ADGRF5: variants seen among roughly 807,000 people sequenced by gnomAD.
ADGRF5 encodes G-protein coupled receptor 116.
A neutral mutation model predicts 132.3 loss-of-function variants in ADGRF5; 75 were observed. That is an observed-to-expected ratio of 0.57 (90% CI 0.47 to 0.69). The LOEUF (loss-of-function observed/expected upper bound fraction) is 0.69, where lower values mean the gene tolerates loss of function less well. Among genes scored for constraint, ADGRF5 ranks in the 30% least tolerant of loss-of-function variants. The pLI is 0.00. For synonymous variants in ADGRF5, 629 were observed against 597.6 expected, an observed-to-expected ratio of 1.05 and a Z score of -0.77; for missense variants, 1,516 against 1,630.6, an observed-to-expected ratio of 0.93 and a Z score of 1.21.
intron 1 of ADGRF5, among the ~76,000 whole-genome samples, chr6:46,910,714 C>CAAAA (rs1775864276): frequency 6.6e-6 from 1 of 152,020 alleles, no homozygotes; most frequent in Non-Finnish European, 1.5e-5. Context: ...ACCAAACAAA[C>CAAAA]AAACAAACAA....
chr6:46,924,381 C>T (rs999446659), upstream of ADGRF5, among the ~76,000 whole-genome samples: 8 of 152,186 alleles, frequency 5.3e-5, no homozygotes, highest in East Asian at 3.8e-4. Context: ...ATGCCCAGCT[C>T]GTATTACAGT....
chr6:46,923,443 G>T (rs148661877), upstream of ADGRF5, among the ~76,000 whole-genome samples: 9 of 152,290 alleles, frequency 5.9e-5, no homozygotes, highest in African/African-American at 2.2e-4. Flanking sequence ...GCAGGACTTA[G>T]GCTTGAGACC....
Position 46,858,908 on chromosome 6 carries a change from G to T in ADGRF5, c.2995C>A (p.Pro999Thr). 6.2e-7 allele frequency: 1 copy of T among 1,614,046 alleles called. No individual in the cohort carries two copies. The highest frequency in any genetic ancestry group is 2.2e-5 in the East Asian group (1 of 44,872). Residue 999 changes from proline to threonine, a missense_variant, in exon 17 of 21, where the codon CCT (proline) becomes ACT (threonine). Transcript: ENST00000283296. Reference sequence around the variant, plus strand: ...AGAGAACTAGGATCTGGGGAGTCAGGGGACATGAGGATGGAGAATGATGTT... The same window carrying T: ...AGAGAACTAGGATCTGGGGAGTCAGTGGACATGAGGATGGAGAATGATGTT... The part of the protein sequence containing the change: ...HLTSFSILMS[P>T]DSPDPSSLLG...
intron 1 of ADGRF5, among the ~76,000 whole-genome samples, chr6:46,920,800 T>A (rs1277719978): frequency 6.6e-6 from 1 of 151,504 alleles, no homozygotes; most frequent in Non-Finnish European, 1.5e-5. Flanking sequence ...GAGGCAGAGG[T>A]TGTAGTGAAC....
In ADGRF5 at chr6:46,906,793, T is replaced by G. The variant is rs1562223331; in HGVS notation, c.-24-7A>C. ...CAAGTTTGAGTTGGTTGGCCTGAAA[T>G]GGAAATATGATGGTTTAGATATACA... On this transcript the variant is annotated splice_polypyrimidine_tract_variant and splice_region_variant and intron_variant, in intron 1 of 20. Coordinates refer to ENST00000283296, the MANE Select transcript of ADGRF5 (RefSeq NM_001098518.2). 2 of 1,121,854 alleles carry G rather than the reference T, an allele frequency of 1.8e-6. No homozygotes were observed. The highest frequency in any genetic ancestry group is 2.5e-5 in the South Asian group (2 of 81,040). The allele number at this position is 1,121,854 out of a possible 1,614,324, so 69.5% of individuals were successfully genotyped here.
intron 1 of ADGRF5, among the ~76,000 whole-genome samples, chr6:46,907,197 C>T (rs1183657130): frequency 6.6e-6 from 1 of 152,088 alleles, no homozygotes; most frequent in African/African-American, 2.4e-5. Flanking sequence ...ATTAAATGGA[C>T]ATCATGACCC....
At chr6:46,905,592 G>C (rs1043055295) in intron 2 of ADGRF5, 1 of 151,960 alleles carries the variant, frequency 6.6e-6, no homozygotes, top group East Asian at 1.9e-4. Flanking sequence ...ATAAAGGCTT[G>C]AAAAAATAAA....
intron 4 of ADGRF5, among the ~76,000 whole-genome samples, chr6:46,885,606 T>G (rs916675792): frequency 6.6e-6 from 1 of 152,220 alleles, no homozygotes; most frequent in African/African-American, 2.4e-5. Context: ...TCTGGGCCTA[T>G]GTACCACATA....
chr6:46,947,186 G>A (rs1018383279), intron 1 of ADGRF5, among the ~76,000 whole-genome samples: 1 of 152,098 alleles, frequency 6.6e-6, no homozygotes, highest in African/African-American at 2.4e-5. Context: ...TTATACCCCA[G>A]CTTTAGCCAA....
At chr6:46,925,781 G>A (rs1777216923), upstream of ADGRF5, among the ~76,000 whole-genome samples, 1 of 152,174 alleles carries the variant, frequency 6.6e-6, no homozygotes, top group African/African-American at 2.4e-5. Flanking sequence ...TCATTGCAGA[G>A]GAATATTTGA....
At chr6:46,949,539 C>T (rs915771186) in intron 1 of ADGRF5, among the ~76,000 whole-genome samples, 26 of 152,234 alleles carry the variant, frequency 1.7e-4, no homozygotes, top group African/African-American at 6.0e-4. Flanking sequence ...AGCAGGCAGA[C>T]AGTTCCAGCC....
rs566338869 is a variant in ADGRF5, at chr6:46,865,650, C to T, written c.1835-453G>A. On this transcript the variant is annotated intron_variant, in intron 13 of 20. Coordinates refer to ENST00000283296, the MANE Select transcript of ADGRF5 (RefSeq NM_001098518.2). ...AGCTCAGTATCTGGTGCATAGAAAGCACTGAATGTATGCATATTAAACACA... is the reference window on the plus strand; with the variant it reads ...AGCTCAGTATCTGGTGCATAGAAAGTACTGAATGTATGCATATTAAACACA... Among the ~76,000 whole-genome samples the T allele has an allele frequency of 5.9e-5, 9 of 152,322 alleles. No individual in the cohort carries two copies. In the South Asian group the frequency reaches 1.9e-3, roughly 32 times the overall value.
In ADGRF5 at chr6:46,859,458, T is replaced by C. The variant is rs1201871282; in HGVS notation, c.2445A>G (p.Gln815=). 2.5e-6 allele frequency: 4 copies of C among 1,613,500 alleles called. No homozygotes were observed. The African/African-American group carries it at 4.0e-5, about 16-fold the overall frequency. ...KPVLNTWKVL[Q]QQWTNQSSQL... Reference sequence around the variant, plus strand: ...GTGAACTCTGATTGGTCCATTGCTGTTGTAAAACCTTCCAGGTGTTCAAGA... The same window carrying C: ...GTGAACTCTGATTGGTCCATTGCTGCTGTAAAACCTTCCAGGTGTTCAAGA... Residue 815 remains glutamine, a synonymous_variant, in exon 17 of 21, where the codon CAA becomes CAG. Transcript: ENST00000283296.
At chr6:46,909,506 A>C (rs1029713478) in intron 1 of ADGRF5, among the ~76,000 whole-genome samples, 9 of 152,220 alleles carry the variant, frequency 5.9e-5, no homozygotes, top group African/African-American at 2.2e-4. Context: ...AGGAAAATAA[A>C]GCACAGCCTG....
intron 6 of ADGRF5, among the ~76,000 whole-genome samples, chr6:46,883,188 G>T (rs933019286): frequency 5.3e-5 from 8 of 152,158 alleles, no homozygotes; most frequent in African/African-American, 1.9e-4. Context: ...TCAGCCACGG[G>T]TTGGTCTGCC....
intron 3 of ADGRF5, among the ~76,000 whole-genome samples, chr6:46,899,144 A>G (rs1774483821): frequency 6.6e-6 from 1 of 152,288 alleles, no homozygotes; most frequent in South Asian, 2.1e-4. Context: ...GGAGGGCCTA[A>G]CAGGGCAAGA....
At chr6:46,933,404 A>G (rs1444351271) in intron 1 of ADGRF5, among the ~76,000 whole-genome samples, 2 of 152,210 alleles carry the variant, frequency 1.3e-5, no homozygotes, top group Non-Finnish European at 2.9e-5. Flanking sequence ...GCTTTCCCCT[A>G]AATCCACTGA....
intron 4 of ADGRF5, among the ~76,000 whole-genome samples, chr6:46,885,778 T>A (rs958296919): frequency 2.0e-5 from 3 of 152,252 alleles, no homozygotes; most frequent in Non-Finnish European, 2.9e-5. Context: ...ATTGTAGATA[T>A]AGTTTATAAG....
chr6:46,923,514 G>T (rs1692492165), upstream of ADGRF5, among the ~76,000 whole-genome samples: 1 of 152,188 alleles, frequency 6.6e-6, no homozygotes, highest in African/African-American at 2.4e-5. Context: ...TCTAGATAAT[G>T]ATTCTCAACT....
Sources: allele counts gnomAD v4.1 joint callset (sites outside exome capture counted in the v4.1 genomes callset), GRCh38; gene constraint gnomAD v4.1.1; transcripts MANE v1.5; gene names NCBI Gene and HGNC (gene_info 2026-07-23, HGNC 2026-07-21).